RB1CC1: variants seen among roughly 807,000 people sequenced by gnomAD.
The protein encoded by RB1CC1 is RB1 inducible coiled-coil 1, also known as RB1-inducible coiled-coil protein 1.
In RB1CC1, 46 loss-of-function variants were observed where a neutral mutation model predicts 177.5. The ratio of observed to expected loss-of-function variants is 0.26; its 90% confidence interval spans 0.20 to 0.33. The LOEUF is 0.33. RB1CC1 is among the 10% of genes least tolerant of loss of function. The probability of loss-of-function intolerance (pLI) is 1.00; values close to 1 mark genes in which losing one functional copy is unlikely to be tolerated. For synonymous variants in RB1CC1, 666 were observed against 613.6 expected, an observed-to-expected ratio of 1.09 and a Z score of -1.26; for missense variants, 1,703 against 1,816.3, an observed-to-expected ratio of 0.94 and a Z score of 1.13.
chr8:52,652,452 T>A (rs1417963458), intron 15 of RB1CC1, among the ~76,000 whole-genome samples: 14 of 106,400 alleles, frequency 1.3e-4, no homozygotes, highest in African/African-American at 4.4e-4. Flanking sequence ...AGAGCAAGAC[T>A]CTGTCTCAAA....
intron 7 of RB1CC1, among the ~76,000 whole-genome samples, chr8:52,672,829 G>A (rs1294464139): frequency 6.6e-6 from 1 of 152,110 alleles, no homozygotes; most frequent in East Asian, 1.9e-4. Context: ...GGAATTTTCA[G>A]GCCACTACAT....
chr8:52,700,657 T>C (rs1563466889), intron 1 of RB1CC1, among the ~76,000 whole-genome samples: 1 of 152,194 alleles, frequency 6.6e-6, no homozygotes, highest in Non-Finnish European at 1.5e-5. Context: ...GAGCAGAACA[T>C]ACAAACAATG....
chr8:52,695,021 A>G (rs1855259215), intron 1 of RB1CC1, among the ~76,000 whole-genome samples: 1 of 152,202 alleles, frequency 6.6e-6, no homozygotes, highest in South Asian at 2.1e-4. Context: ...CTCACAATAG[A>G]TAAATAGGCA....
At chr8:52,660,893 C>T (rs895104909) in intron 11 of RB1CC1, 33 bp downstream of exon 11, 3 of 1,552,220 alleles carry the variant, frequency 1.9e-6, no homozygotes, top group Non-Finnish European at 2.6e-6. Flanking sequence ...TTATCCTTTA[C>T]AAAAGTAATT....
At chr8:52,632,426 A>G (rs1848830032) in intron 20 of RB1CC1, among the ~76,000 whole-genome samples, 1 of 152,234 alleles carries the variant, frequency 6.6e-6, no homozygotes, top group Non-Finnish European at 1.5e-5. Context: ...CTAAAACTGT[A>G]TAGCAACTTA....
At chr8:52,633,644 A>G (rs1468482712) in intron 20 of RB1CC1, among the ~76,000 whole-genome samples, 1 of 152,256 alleles carries the variant, frequency 6.6e-6, no homozygotes, top group Admixed American at 6.5e-5. Context: ...ACTGAACAGA[A>G]GCCTTAAACT....
At chr8:52,632,603 T>A (rs1455328632) in intron 20 of RB1CC1, among the ~76,000 whole-genome samples, 1 of 152,220 alleles carries the variant, frequency 6.6e-6, no homozygotes, top group East Asian at 1.9e-4. Context: ...TAATTCTATG[T>A]GAAAGTGTGA....
intron 16 of RB1CC1, among the ~76,000 whole-genome samples, 191 bp downstream of exon 16, chr8:52,645,511 G>A (rs1849937584): frequency 6.6e-6 from 1 of 151,964 alleles, no homozygotes; most frequent in Non-Finnish European, 1.5e-5. Flanking sequence ...TTATTCTCCA[G>A]ATGAGTAAAA....
intron 15 of RB1CC1, among the ~76,000 whole-genome samples, chr8:52,647,354 TTA>T (rs1401565436): frequency 6.6e-6 from 1 of 152,136 alleles, no homozygotes; most frequent in Non-Finnish European, 1.5e-5. Flanking sequence ...CATAATATAG[TTA>T]ATTAAAGGAA....
intron 15 of RB1CC1, among the ~76,000 whole-genome samples, chr8:52,649,885 A>C (rs778618060): frequency 6.6e-6 from 1 of 152,204 alleles, no homozygotes; most frequent in Admixed American, 6.5e-5. Context: ...ATAAACTTTA[A>C]TAATTCCAAA....
At chr8:52,675,953 C>A (rs1853086915) in intron 6 of RB1CC1, among the ~76,000 whole-genome samples, 1 of 149,836 alleles carries the variant, frequency 6.7e-6, no homozygotes, top group Non-Finnish European at 1.5e-5. Context: ...CCTCATCAAA[C>A]CTGTATCAGG....
rs1033765128 is a variant in RB1CC1 at position 52,636,059 on chromosome 8, G to T, written c.4348C>A (p.His1450Asn). 6.2e-7 allele frequency: 1 copy of T among 1,605,058 alleles called. No homozygotes were observed. The highest frequency in any genetic ancestry group is 1.3e-5 in the African/African-American group (1 of 74,670). Reference protein sequence around the residue: ...TSMMSVQENIHMLSEEKQRIM... With the variant: ...TSMMSVQENINMLSEEKQRIM... ...CGCTGTTTTTCTTCAGACAACATAT[G>T]AATATTTTCTCTAAAAGTGAGAATA... Residue 1450 changes from histidine to asparagine, a missense_variant, in exon 19 of 24, where the codon CAT becomes AAT. Around this residue, in one of 6 missense-constraint regions of RB1CC1, gnomAD observed 1,169 missense variants for 1,184.7 expected, o/e 0.99. Transcript: ENST00000025008.
At position 52,642,448 on chromosome 8, in the gene RB1CC1, C is replaced by T. The variant is rs746476286; in HGVS notation, c.4240G>A (p.Ala1414Thr). The change falls in exon 18 of 24, where the codon GCA becomes ACA. Residue 1414 changes from alanine to threonine, a missense_variant. By Grantham distance (58) the Ala-to-Thr change is moderately conservative. Coordinates refer to ENST00000025008, the MANE Select transcript of RB1CC1 (RefSeq NM_014781.5). The part of the protein sequence containing the change: ...ATAPELYGAC[A>T]PELPGESDRS... ...TCTGATTCACCTGGGAGTTCAGGTG[C>T]ACAAGCTCCATAAAGTTCTGGGGCT... 1 of 1,613,950 alleles carries T rather than the reference C, an allele frequency of 6.2e-7. No homozygotes were observed. Among genetic ancestry groups the T allele is most frequent in the African/African-American group, 1.3e-5 (1 of 74,900 alleles).
chr8:52,673,624 G>A (rs944892765), intron 7 of RB1CC1, among the ~76,000 whole-genome samples: 3 of 152,014 alleles, frequency 2.0e-5, no homozygotes, highest in African/African-American at 7.2e-5. Flanking sequence ...TATTGCACTA[G>A]AAATTTTTCC....
chr8:52,658,060 T>G lies in RB1CC1; in HGVS notation c.1858A>C (p.Lys620Gln), dbSNP rs377638763. 5 of 1,613,920 alleles carry G rather than the reference T, an allele frequency of 3.1e-6. No homozygotes were observed. The African/African-American group carries it at 6.7e-5, about 22-fold the overall frequency. ...QHVLALHNLV[K>Q]AAQSLDEMSQ... Reference sequence around the variant, plus strand: ...ATTTCATCCAAACTTTGTGCTGCTTTTACCAAATTATGTAGAGCAAGTACA... The same window carrying G: ...ATTTCATCCAAACTTTGTGCTGCTTGTACCAAATTATGTAGAGCAAGTACA... The change falls in exon 14 of 24, where the codon AAA (lysine) becomes CAA (glutamine). Residue 620 changes from lysine to glutamine, a missense_variant. Coordinates refer to ENST00000025008, the MANE Select transcript of RB1CC1 (RefSeq NM_014781.5).
intron 15 of RB1CC1, among the ~76,000 whole-genome samples, chr8:52,649,027 C>CA (rs931323500): frequency 1.1e-4 from 16 of 152,278 alleles, no homozygotes; most frequent in Admixed American, 8.5e-4. Flanking sequence ...TCATGCTACT[C>CA]AAAACAGTGT....
At chr8:52,630,834 A>C (rs1848700242) in intron 20 of RB1CC1, among the ~76,000 whole-genome samples, 1 of 152,234 alleles carries the variant, frequency 6.6e-6, no homozygotes, top group Admixed American at 6.5e-5. Context: ...TTAGATTCAA[A>C]ATCTTTCATT....
chr8:52,697,101 A>G (rs1310736999), intron 1 of RB1CC1, among the ~76,000 whole-genome samples: 3 of 152,338 alleles, frequency 2.0e-5, no homozygotes, highest in East Asian at 3.9e-4. Flanking sequence ...GCCCAAGTAT[A>G]AAGTTTTCTT....
At chr8:52,700,553 G>GA (rs751487253) in intron 1 of RB1CC1, among the ~76,000 whole-genome samples, 1 of 151,476 alleles carries the variant, frequency 6.6e-6, no homozygotes, top group African/African-American at 2.4e-5. Context: ...AAAAAGAAAA[G>GA]AAAAAAAATC....
Sources: allele counts gnomAD v4.1 joint callset (sites outside exome capture counted in the v4.1 genomes callset), GRCh38; gene constraint gnomAD v4.1.1; regional missense constraint gnomAD v4.1.1; transcripts MANE v1.5; gene names NCBI Gene and HGNC (gene_info 2026-07-23, HGNC 2026-07-21).